The following FRMD3 variants were observed in gnomAD, a reference collection of about 807,000 sequenced individuals.
FRMD3 encodes FERM domain containing 3, also known as FERM domain-containing protein 3.
Under a neutral mutation model 70.2 loss-of-function variants are expected in FRMD3, and 33 were observed. That is an observed-to-expected ratio of 0.47 (90% CI 0.36 to 0.63). The LOEUF (loss-of-function observed/expected upper bound fraction) is 0.63, where lower values mean the gene tolerates loss of function less well. Among genes scored for constraint, FRMD3 ranks in the 20% least tolerant of loss-of-function variants. The pLI is 0.00. For missense variants in FRMD3, 632 were observed against 711.4 expected (o/e 0.89, Z 1.27); for synonymous variants, 279 against 255.9 (o/e 1.09, Z -0.86).
intron 5 of FRMD3, among the ~76,000 whole-genome samples, 178 bp from the exon 6 acceptor site, chr9:83,335,817 C>T (rs1188829062): frequency 4.6e-5 from 7 of 152,238 alleles, no homozygotes; most frequent in South Asian, 2.1e-4. Flanking sequence ...CAGTTCAGAT[C>T]GAGCTGTGTG....
At chr9:83,274,929 G>A (rs569579300) in intron 13 of FRMD3, among the ~76,000 whole-genome samples, 1 of 152,230 alleles carries the variant, frequency 6.6e-6, no homozygotes, top group African/African-American at 2.4e-5. Context: ...CTCAGTAGAC[G>A]TGGAGTGTGG....
At chr9:83,535,088 T>G (rs1413698459) in intron 1 of FRMD3, among the ~76,000 whole-genome samples, 1 of 152,228 alleles carries the variant, frequency 6.6e-6, no homozygotes, top group Non-Finnish European at 1.5e-5. Flanking sequence ...AGATGTGGCC[T>G]TGAACAAGTC....
intron 3 of FRMD3, among the ~76,000 whole-genome samples, chr9:83,368,988 G>A (rs1824881013): frequency 6.6e-6 from 1 of 152,034 alleles, no homozygotes; most frequent in South Asian, 2.1e-4. Flanking sequence ...CCGAGGAGCT[G>A]GGATTACAGG....
intron 13 of FRMD3, among the ~76,000 whole-genome samples, chr9:83,283,366 A>T (rs530017529): frequency 4.6e-5 from 7 of 151,670 alleles, no homozygotes; most frequent in Non-Finnish European, 7.4e-5. Flanking sequence ...CCGTCTCTAC[A>T]AAAAATACAA....
chr9:83,289,990 A>C (rs537408624), intron 13 of FRMD3, among the ~76,000 whole-genome samples: 2 of 152,304 alleles, frequency 1.3e-5, no homozygotes, highest in East Asian at 3.9e-4. Flanking sequence ...TGGACACTTC[A>C]CTTTTTTTTA....
chr9:83,339,075 G>A (rs1823671758), intron 5 of FRMD3, among the ~76,000 whole-genome samples: 1 of 152,186 alleles, frequency 6.6e-6, no homozygotes, highest in African/African-American at 2.4e-5. Context: ...TGGTTGGTGA[G>A]GGAGGGCATC....
intron 3 of FRMD3, among the ~76,000 whole-genome samples, chr9:83,369,576 C>A (rs867216308): frequency 1.6e-4 from 16 of 99,780 alleles, no homozygotes; most frequent in Middle Eastern, 4.6e-3. Flanking sequence ...GACTCTGTCT[C>A]AAAATAAATA....
At chr9:83,396,321 A>G (rs1251556572) in intron 1 of FRMD3, among the ~76,000 whole-genome samples, 1 of 152,252 alleles carries the variant, frequency 6.6e-6, no homozygotes, top group Non-Finnish European at 1.5e-5. Context: ...AGGCAGTTTT[A>G]TAAAATACAA....
chr9:83,528,913 T>C (rs1274592556), intron 1 of FRMD3, among the ~76,000 whole-genome samples: 1 of 152,188 alleles, frequency 6.6e-6, no homozygotes, highest in Admixed American at 6.5e-5. Context: ...ACAGAATTAT[T>C]TAAAATATTC....
chr9:83,580,887 T>C, the FRMD3 span, among the ~76,000 whole-genome samples: 11 of 152,102 alleles, frequency 7.2e-5, no homozygotes, highest in Admixed American at 7.2e-4. Flanking sequence ...ACAGTTATGA[T>C]TTGTCAATTA....
intron 6 of FRMD3, among the ~76,000 whole-genome samples, chr9:83,325,271 T>C (rs562750270): frequency 8.5e-4 from 129 of 152,306 alleles, no homozygotes; most frequent in African/African-American, 2.8e-3. Flanking sequence ...ATGCAATATA[T>C]CTATGTAACA....
rs1835315505 is a variant in FRMD3, at chr9:83,310,601, G to A, written c.774-53C>T. ...AGAAAAAAAGTGGCAGCTAACCAAG[G>A]TACCTGGGTTTCCCATAGGAATCTG... On this transcript the variant is annotated intron_variant, in intron 8 of 13. Transcript: ENST00000304195. 10 of 1,415,872 alleles carry A rather than the reference G, an allele frequency of 7.1e-6. No individual in the cohort carries two copies. The East Asian group carries it at 1.9e-4, about 26-fold the overall frequency. The allele number at this position is 1,415,872 out of a possible 1,614,324, so 87.7% of individuals were successfully genotyped here.
Position 83,298,671 on chromosome 9 carries a change from C to T in FRMD3, c.1070+77G>A. The T allele has an allele frequency of 2.7e-6, 3 of 1,094,350 alleles. No homozygotes were observed. The South Asian group carries it at 3.8e-5, about 14-fold the overall frequency. 67.8% of individuals were successfully genotyped at this position (1,094,350 alleles called of 1,614,324 possible). A position where few individuals can be genotyped will look rare whatever the true frequency, so the allele number is the denominator to read the frequency against. ...CCTTCTTTAATGCTGTATGTCACTA[C>T]ACAAAGGGATGTTATAGGGGATTTG... is the stretch of plus-strand genomic sequence containing the variant. On this transcript the variant is annotated intron_variant, in intron 12 of 13. Transcript: ENST00000304195.
intron 6 of FRMD3, among the ~76,000 whole-genome samples, chr9:83,316,327 T>C (rs981828084): frequency 3.3e-5 from 5 of 151,948 alleles, no homozygotes; most frequent in Non-Finnish European, 5.9e-5. Context: ...CCCAGCTAAT[T>C]TTTGTTTTTA....
chr9:83,279,382 C>T (rs1468595554), intron 13 of FRMD3: 1 of 152,088 alleles, frequency 6.6e-6, no homozygotes, highest in Non-Finnish European at 1.5e-5. Flanking sequence ...ATCATTGTTC[C>T]CCATTTTTCA....
intron 1 of FRMD3, 89 bp from the exon 2 acceptor site, chr9:83,389,797 G>A: frequency 1.1e-6 from 1 of 871,718 alleles, no homozygotes; most frequent in South Asian, 1.4e-5. Context: ...ATGGGTCTAT[G>A]TTCTGAAAAA....
chr9:83,254,608 GA>G (rs1439520316), intron 13 of FRMD3, among the ~76,000 whole-genome samples: 1 of 151,314 alleles, frequency 6.6e-6, no homozygotes, highest in African/African-American at 2.4e-5. Flanking sequence ...CTGAATTTTA[GA>G]AAAAAATAAA....
intron 13 of FRMD3, among the ~76,000 whole-genome samples, chr9:83,286,673 A>G (rs1834226994): frequency 6.6e-6 from 1 of 152,258 alleles, no homozygotes; most frequent in African/African-American, 2.4e-5. Context: ...GCTGATCTTG[A>G]ACCGTTTACA....
At chr9:83,384,175 C>A (rs1289882597) in intron 2 of FRMD3, among the ~76,000 whole-genome samples, 1 of 152,218 alleles carries the variant, frequency 6.6e-6, no homozygotes, top group South Asian at 2.1e-4. Flanking sequence ...ATCTTTAATA[C>A]CTTTTGAAAC....
Sources: allele counts gnomAD v4.1 joint callset (sites outside exome capture counted in the v4.1 genomes callset), GRCh38; gene constraint gnomAD v4.1.1; transcripts MANE v1.5; gene names NCBI Gene and HGNC (gene_info 2026-07-23, HGNC 2026-07-21).